PTPRN2: variants seen among roughly 807,000 people sequenced by gnomAD.
PTPRN2 encodes the protein receptor-type tyrosine-protein phosphatase N2.
Under a neutral mutation model 118.8 loss-of-function variants are expected in PTPRN2, and 74 were observed. The ratio of observed to expected loss-of-function variants is 0.62; its 90% CI spans 0.52 to 0.76. The LOEUF is 0.76. Ranked by LOEUF, PTPRN2 falls within the 30% of genes least tolerant of loss-of-function variation. The pLI, the probability that PTPRN2 is intolerant of heterozygous loss-of-function variation, is 0.00. For missense variants in PTPRN2, 1,481 were observed against 1,394.4 expected (o/e 1.06, Z -0.99); for synonymous variants, 641 against 608.0 (o/e 1.05, Z -0.80).
rs1817173106 is a variant in PTPRN2 at position 158,121,526 on chromosome 7, G to A, written c.1557-10611C>T. Among the ~76,000 whole-genome samples, 3 of 152,184 alleles carry A rather than the reference G, an allele frequency of 2.0e-5. No individual in the cohort carries two copies. In the South Asian group the frequency reaches 6.2e-4, roughly 32 times the overall value. On this transcript the variant is annotated intron_variant, in intron 9 of 22. Transcript: ENST00000389418. ...AGCATAAGCCAACTTCCCAATCAAT[G>A]TTTGCTACCAAATTCCATGAGTCTC...
chr7:158,463,400 A>G lies in PTPRN2; in HGVS notation c.163+26335T>C, dbSNP rs1395986515. ...CATCATCATTATCATTACCATCACG[A>G]CCATCATTGTTGTCATCATCACCAT... On this transcript the variant is annotated intron_variant, in intron 2 of 22. Coordinates refer to ENST00000389418, the MANE Select transcript of PTPRN2 (RefSeq NM_002847.5). Among the ~76,000 whole-genome samples the G allele has an allele frequency of 3.9e-5, 6 of 151,940 alleles. No individual in the cohort carries two copies. In the East Asian group the frequency reaches 1.2e-3, roughly 29 times the overall value.
At chr7:158,315,641 C>T (rs186749730) in intron 3 of PTPRN2, among the ~76,000 whole-genome samples, 10 of 152,354 alleles carry the variant, frequency 6.6e-5, no homozygotes, top group East Asian at 3.9e-4. Flanking sequence ...GAAGGAGAAA[C>T]GGCCAGATGT....
chr7:157,786,084 C>T (rs1005556855), intron 12 of PTPRN2, among the ~76,000 whole-genome samples: 7 of 152,290 alleles, frequency 4.6e-5, no homozygotes, highest in Admixed American at 2.6e-4. Flanking sequence ...ACTCCGAGTG[C>T]GCGCCAAGGG....
At chr7:158,445,896 C>T (rs1394391319) in intron 2 of PTPRN2, among the ~76,000 whole-genome samples, 1 of 152,236 alleles carries the variant, frequency 6.6e-6, no homozygotes, top group African/African-American at 2.4e-5. Flanking sequence ...GCCCTCAGAC[C>T]ACCCCATGTG....
intron 12 of PTPRN2, among the ~76,000 whole-genome samples, chr7:157,760,965 G>C (rs2151006064): frequency 6.6e-6 from 1 of 152,124 alleles, no homozygotes; most frequent in African/African-American, 2.4e-5. Flanking sequence ...CAGACAAACA[G>C]AGAGCCAAAT....
At chr7:157,695,822 T>C (rs1434680308) in intron 12 of PTPRN2, among the ~76,000 whole-genome samples, 1 of 152,182 alleles carries the variant, frequency 6.6e-6, no homozygotes, top group African/African-American at 2.4e-5. Flanking sequence ...AACTGCATCT[T>C]AGTAGAGCCC....
At chr7:157,853,342 C>T (rs1271257636) in intron 12 of PTPRN2, among the ~76,000 whole-genome samples, 1 of 152,120 alleles carries the variant, frequency 6.6e-6, no homozygotes, top group Non-Finnish European at 1.5e-5. Context: ...AGGCACGGCC[C>T]GCAGAGCCAC....
At chr7:158,108,574 A>G (rs529755854) in intron 10 of PTPRN2, among the ~76,000 whole-genome samples, 64 of 152,218 alleles carry the variant, frequency 4.2e-4, no homozygotes, top group Admixed American at 3.7e-3. Context: ...GAACCTGCTC[A>G]TTGCATATGT....
chr7:158,326,936 CAT>C (rs1432064490), intron 2 of PTPRN2, among the ~76,000 whole-genome samples: 7 of 150,442 alleles, frequency 4.7e-5, no homozygotes, highest in South Asian at 4.2e-4. Flanking sequence ...CACATGCACA[CAT>C]ACACATTTTC....
intron 11 of PTPRN2, among the ~76,000 whole-genome samples, chr7:157,983,535 C>T (rs1803478502): frequency 6.6e-6 from 1 of 152,256 alleles, no homozygotes; most frequent in Admixed American, 6.5e-5. Flanking sequence ...TCTGACACAG[C>T]TGAAACCTGA....
At chr7:157,860,602 A>G (rs1338840342) in intron 12 of PTPRN2, among the ~76,000 whole-genome samples, 1 of 152,262 alleles carries the variant, frequency 6.6e-6, no homozygotes, top group Non-Finnish European at 1.5e-5. Context: ...GGAACTAGAT[A>G]CCACTCCATG....
Position 157,656,565 on chromosome 7 carries a change from G to C in PTPRN2, c.2002-14C>G. On this transcript the variant is annotated splice_polypyrimidine_tract_variant and intron_variant, in intron 13 of 22. Coordinates refer to ENST00000389418, the MANE Select transcript of PTPRN2 (RefSeq NM_002847.5). ...GCGGCACAGCTCCTGCAGGACAGGG[G>C]GAGGAAGAGCAGGGGGTTAGTGGCA... is the stretch of plus-strand genomic sequence containing the variant. The C allele has an allele frequency of 6.5e-7, 1 of 1,527,514 alleles. No individual in the cohort carries two copies. Among genetic ancestry groups the C allele is most frequent in the Non-Finnish European group, 8.8e-7 (1 of 1,139,510 alleles). 94.6% of individuals were successfully genotyped at this position (1,527,514 alleles called of 1,614,324 possible). A position where few individuals can be genotyped will look rare whatever the true frequency, so the allele number is the denominator to read the frequency against.
At chr7:158,165,099 G>A (rs1200693645) in intron 6 of PTPRN2, among the ~76,000 whole-genome samples, 1 of 152,242 alleles carries the variant, frequency 6.6e-6, no homozygotes, top group African/African-American at 2.4e-5. Flanking sequence ...GAAAGCGCAG[G>A]AGGCAGTGAA....
chr7:158,340,820 C>T (rs1806599771), intron 2 of PTPRN2, among the ~76,000 whole-genome samples: 1 of 92,656 alleles, frequency 1.1e-5, no homozygotes, highest in Non-Finnish European at 2.4e-5. Context: ...ACACATGTCA[C>T]TCACACCCAC....
At chr7:158,308,494 T>C (rs1246474169) in intron 3 of PTPRN2, among the ~76,000 whole-genome samples, 2 of 152,140 alleles carry the variant, frequency 1.3e-5, no homozygotes, top group African/African-American at 4.8e-5. Context: ...TTCTCCTAAT[T>C]TTCTTTAAAA....
At chr7:158,226,437 CGTTT>C (rs1171878527) in intron 3 of PTPRN2, among the ~76,000 whole-genome samples, 1 of 152,116 alleles carries the variant, frequency 6.6e-6, no homozygotes, top group Non-Finnish European at 1.5e-5. Context: ...GTGGGGACGA[CGTTT>C]GTTTCTTCTG....
intron 3 of PTPRN2, among the ~76,000 whole-genome samples, chr7:158,254,906 C>A (rs574596414): frequency 6.6e-6 from 1 of 152,222 alleles, no homozygotes. Context: ...GATCTGGACA[C>A]GAATAATAAA....
chr7:157,682,914 A>C lies in PTPRN2; in HGVS notation c.1812T>G (p.Pro604=), dbSNP rs777624404. Residue 604 remains proline, a synonymous_variant, in exon 13 of 23, where the codon CCT becomes CCG. Coordinates refer to ENST00000389418, the MANE Select transcript of PTPRN2 (RefSeq NM_002847.5). ...VGSKSKLKFL[P]PQAEQEDSTK... is the part of the protein sequence containing the mutation. ...TGGAGTCTTCTTGCTCCGCCTGAGGAGGCAGGAACTTGAGTTTGCTTTTCT... is the reference window on the plus strand; with the variant it reads ...TGGAGTCTTCTTGCTCCGCCTGAGGCGGCAGGAACTTGAGTTTGCTTTTCT... The C allele has an allele frequency of 1.9e-6, 3 of 1,613,622 alleles. No individual in the cohort carries two copies. In the African/African-American group the frequency reaches 4.0e-5, roughly 22 times the overall value.
chr7:158,091,273 A>G (rs1814100210), intron 10 of PTPRN2, among the ~76,000 whole-genome samples: 1 of 152,266 alleles, frequency 6.6e-6, no homozygotes, highest in Non-Finnish European at 1.5e-5. Flanking sequence ...CTCAGGTACT[A>G]GATTCCCTTG....
Sources: allele counts gnomAD v4.1 joint callset (sites outside exome capture counted in the v4.1 genomes callset), GRCh38; gene constraint gnomAD v4.1.1; transcripts MANE v1.5; gene names NCBI Gene and HGNC (gene_info 2026-07-23, HGNC 2026-07-21).